Variants in MYO9A observed in about 807,000 individuals in gnomAD.
MYO9A encodes the protein unconventional myosin-IXa.
MYO9A carries 103 observed loss-of-function variants against 293.3 expected under a neutral mutation model. The observed-to-expected ratio is 0.35, with a 90% CI of 0.30 to 0.41. The LOEUF is 0.41. Among genes scored for constraint, MYO9A ranks in the 10% least tolerant of loss-of-function variants. MYO9A has a pLI of 1.00. For synonymous variants in MYO9A, 1,001 were observed against 1,035.7 expected (o/e 0.97, Z 0.64); for missense variants, 2,685 against 3,033.0 (o/e 0.89, Z 2.69).
intron 1 of MYO9A, among the ~76,000 whole-genome samples, chr15:72,096,314 G>C (rs2080063694): frequency 6.6e-6 from 1 of 152,144 alleles, no homozygotes; most frequent in Non-Finnish European, 1.5e-5. Flanking sequence ...CTCCGGCCTG[G>C]GCAACAGTGA....
chr15:72,028,223 AT>A (rs1405060328), intron 3 of MYO9A, among the ~76,000 whole-genome samples: 13 of 144,304 alleles, frequency 9.0e-5, no homozygotes, highest in African/African-American at 3.3e-4. Flanking sequence ...AAATAAATAT[AT>A]ATATATATAT....
At chr15:72,038,892 ATTGT>A (rs925829587) in intron 2 of MYO9A, among the ~76,000 whole-genome samples, 14 of 152,272 alleles carry the variant, frequency 9.2e-5, no homozygotes, top group East Asian at 3.9e-4. Flanking sequence ...TCGTTTCTGC[ATTGT>A]TTGTTTTACA....
intron 9 of MYO9A, among the ~76,000 whole-genome samples, chr15:71,994,897 T>C (rs1378631491): frequency 1.3e-5 from 2 of 152,150 alleles, no homozygotes; most frequent in African/African-American, 4.8e-5. Flanking sequence ...CACGCCTGGC[T>C]AATTTTGTAT....
In MYO9A at chr15:71,852,192, G is replaced by A. The variant is rs1230496043; in HGVS notation, c.6415C>T (p.Arg2139Ter). Residue 2139 changes from arginine to a stop codon, truncating the protein, a stop_gained, in exon 36 of 42, where the codon CGA (arginine) becomes TGA (stop). Coordinates refer to ENST00000356056, the MANE Select transcript of MYO9A (RefSeq NM_006901.4). LOFTEE classifies it high-confidence loss of function. ...VIASVFKQWLRDLPNPLMTFE... is the reference protein window; with the variant it reads ...VIASVFKQWL Reference sequence around the variant, plus strand: ...GTCATGAGAGGATTGGGCAAATCTCGAAGCCATTGTTTGAATACACTTGCA... The same window carrying A: ...GTCATGAGAGGATTGGGCAAATCTCAAAGCCATTGTTTGAATACACTTGCA... 6.2e-7 allele frequency: 1 copy of A among 1,613,684 alleles called. No individual in the cohort carries two copies. The highest frequency in any genetic ancestry group is 8.5e-7 in the Non-Finnish European group (1 of 1,179,718).
At chr15:72,101,338 C>T (rs1393524045) in intron 1 of MYO9A, among the ~76,000 whole-genome samples, 2 of 78,558 alleles carry the variant, frequency 2.5e-5, no homozygotes, top group East Asian at 5.2e-4. Context: ...GGAGGGAGGT[C>T]GGGGCGTCAG....
intron 4 of MYO9A, among the ~76,000 whole-genome samples, chr15:72,024,375 G>A (rs573379027): frequency 2.6e-5 from 4 of 152,200 alleles, no homozygotes; most frequent in South Asian, 2.1e-4. Context: ...CCTCTATCTC[G>A]TTTCAAGTGA....
intron 30 of MYO9A, 67 bp downstream of exon 30, chr15:71,879,654 T>C: frequency 8.5e-7 from 1 of 1,181,006 alleles, no homozygotes; most frequent in Non-Finnish European, 1.2e-6. Context: ...TTGTATTATC[T>C]TCTACAGCGC....
At chr15:71,916,550 T>A in intron 18 of MYO9A, 58 bp from the exon 19 acceptor site, 1 of 1,537,310 alleles carries the variant, frequency 6.5e-7, no homozygotes, top group African/African-American at 1.4e-5. Flanking sequence ...TAAGCCAAAA[T>A]TCTCAGCCAG....
intron 35 of MYO9A, among the ~76,000 whole-genome samples, chr15:71,853,546 T>C (rs1474635875): frequency 6.6e-6 from 1 of 152,230 alleles, no homozygotes; most frequent in Non-Finnish European, 1.5e-5. Context: ...TCATTGTTAT[T>C]ATTTTCATAC....
intron 15 of MYO9A, among the ~76,000 whole-genome samples, chr15:71,947,424 C>A (rs1489610897): frequency 6.6e-6 from 1 of 151,944 alleles, no homozygotes; most frequent in Non-Finnish European, 1.5e-5. Flanking sequence ...GAATTTAAAG[C>A]TGTAAGTTTT....
At chr15:71,886,844 T>C (rs1374952048) in intron 27 of MYO9A, among the ~76,000 whole-genome samples, 1 of 152,128 alleles carries the variant, frequency 6.6e-6, no homozygotes, top group Non-Finnish European at 1.5e-5. Flanking sequence ...GTTCTTCTAC[T>C]GTGTCACATC....
At chr15:72,075,878 C>T (rs1038783378) in intron 1 of MYO9A, among the ~76,000 whole-genome samples, 2 of 152,118 alleles carry the variant, frequency 1.3e-5, no homozygotes, top group African/African-American at 4.8e-5. Flanking sequence ...ATGAAGAGTA[C>T]TAGAAAATAT....
At chr15:71,965,030 T>C (rs528903871) in intron 13 of MYO9A, among the ~76,000 whole-genome samples, 1 of 152,208 alleles carries the variant, frequency 6.6e-6, no homozygotes, top group Non-Finnish European at 1.5e-5. Context: ...AGTTATAAAC[T>C]TTCCTACATT....
chr15:72,010,651 C>T (rs969385351), intron 6 of MYO9A, among the ~76,000 whole-genome samples: 2 of 152,032 alleles, frequency 1.3e-5, no homozygotes, highest in Non-Finnish European at 2.9e-5. Context: ...ACTAAAATAC[C>T]AATAAGTTAC....
chr15:72,101,608 T>C (rs1379676833), intron 1 of MYO9A, among the ~76,000 whole-genome samples: 1 of 117,210 alleles, frequency 8.5e-6, no homozygotes, highest in African/African-American at 3.3e-5. Flanking sequence ...GGAGCCCCTC[T>C]GCCCGGCCAG....
intron 26 of MYO9A, chr15:71,892,811 A>AT (rs1268789758): frequency 3.0e-6 from 1 of 329,320 alleles, no homozygotes; most frequent in Non-Finnish European, 5.0e-6. Context: ...TTTGAGTTCT[A>AT]TTAAATTAAG....
intron 1 of MYO9A, among the ~76,000 whole-genome samples, chr15:72,079,032 G>C (rs1311602268): frequency 6.6e-6 from 1 of 152,136 alleles, no homozygotes; most frequent in African/African-American, 2.4e-5. Context: ...CTATGATACT[G>C]TAACGGTACA....
At chr15:72,007,204 A>G (rs1488343941) in intron 8 of MYO9A, among the ~76,000 whole-genome samples, 2 of 152,154 alleles carry the variant, frequency 1.3e-5, no homozygotes, top group African/African-American at 2.4e-5. Context: ...GATAGGGCCT[A>G]TAAGAAATGA....
chr15:71,945,112 A>T (rs2058879610), intron 15 of MYO9A, among the ~76,000 whole-genome samples: 1 of 152,102 alleles, frequency 6.6e-6, no homozygotes, highest in Non-Finnish European at 1.5e-5. Flanking sequence ...TTATCATCTC[A>T]TATAGTTTTT....
Sources: allele counts gnomAD v4.1 joint callset (sites outside exome capture counted in the v4.1 genomes callset), GRCh38; gene constraint gnomAD v4.1.1; transcripts MANE v1.5; gene names NCBI Gene and HGNC (gene_info 2026-07-23, HGNC 2026-07-21).